The following COL11A1 variants were observed in gnomAD, a reference collection of about 807,000 sequenced individuals.
The protein encoded by COL11A1 is collagen alpha-1(XI) chain.
COL11A1 carries 74 observed loss-of-function variants against 265.2 expected under a neutral mutation model. The observed-to-expected ratio is 0.28, with a 90% CI of 0.23 to 0.34. The LOEUF (loss-of-function observed/expected upper bound fraction) is 0.34. Ranked by LOEUF, COL11A1 falls within the 10% of genes least tolerant of loss-of-function variation. COL11A1 has a pLI of 1.00. For synonymous variants in COL11A1, 816 were observed against 727.6 expected, an observed-to-expected ratio of 1.12 and a Z score of -1.96; for missense variants, 2,165 against 2,263.6, an observed-to-expected ratio of 0.96 and a Z score of 0.88.
chr1:102,909,355 A>C (rs1386918165), intron 54 of COL11A1, among the ~76,000 whole-genome samples: 1 of 152,138 alleles, frequency 6.6e-6, no homozygotes, highest in Admixed American at 6.6e-5. Flanking sequence ...TGTTGGCATC[A>C]TGCTTCCTGT....
intron 14 of COL11A1, among the ~76,000 whole-genome samples, chr1:103,011,701 A>C (rs938861130): frequency 2.0e-5 from 3 of 152,042 alleles, no homozygotes; most frequent in African/African-American, 7.2e-5. Context: ...AATAGCAGAA[A>C]AAATTTATAC....
chr1:103,015,188 T>C (rs1571040471), intron 12 of COL11A1, among the ~76,000 whole-genome samples: 1 of 152,146 alleles, frequency 6.6e-6, no homozygotes, highest in South Asian at 2.1e-4. Context: ...GTTCATTACA[T>C]TGAAATTGAT....
chr1:103,004,377 G>A (rs1571003853), intron 20 of COL11A1, 67 bp downstream of exon 20: 5 of 1,137,766 alleles, frequency 4.4e-6, no homozygotes, highest in Non-Finnish European at 6.6e-6. Context: ...GTTTTTATAT[G>A]TGTAACACCA....
chr1:102,911,837 A>G (rs2101014652), intron 54 of COL11A1, among the ~76,000 whole-genome samples: 2 of 152,254 alleles, frequency 1.3e-5, no homozygotes, highest in South Asian at 4.1e-4. Flanking sequence ...ATCCCCATGT[A>G]TTACAATAGG....
chr1:102,927,786 T>C (rs1401694220), intron 46 of COL11A1, among the ~76,000 whole-genome samples: 1 of 152,226 alleles, frequency 6.6e-6, no homozygotes, highest in Non-Finnish European at 1.5e-5. Flanking sequence ...ATATGTTTCA[T>C]AAAATTCAAA....
At chr1:102,974,046 G>C (rs1662226960) in intron 36 of COL11A1, among the ~76,000 whole-genome samples, 1 of 152,058 alleles carries the variant, frequency 6.6e-6, no homozygotes, top group Admixed American at 6.6e-5. Context: ...ATTGTGATTT[G>C]GTCAGTGGAA....
intron 32 of COL11A1, 75 bp downstream of exon 32, chr1:102,979,307 G>T: frequency 7.6e-7 from 1 of 1,316,560 alleles, no homozygotes; most frequent in Non-Finnish European, 1.1e-6. Context: ...AAATATCTGG[G>T]AATACAGGCA....
rs1457371081 is a variant in COL11A1 at position 102,946,971 on chromosome 1, A to G, written c.3169-15T>C. 7.5e-6 allele frequency: 12 copies of G among 1,598,164 alleles called. 1 individual carries two copies. In the African/African-American group the frequency reaches 1.2e-4, roughly 16 times the overall value. On this transcript the variant is annotated splice_polypyrimidine_tract_variant and intron_variant, in intron 41 of 66. Transcript: ENST00000370096. ...CCTGGTGAGCCCTAGTATACAGGAA[A>G]AGAAGTATTTTGTTATTAAAGAAAG...
intron 1 of COL11A1, chr1:103,100,693 G>A (rs1674193329): frequency 6.6e-6 from 1 of 151,928 alleles, no homozygotes; most frequent in Non-Finnish European, 1.5e-5. Context: ...AATAAGATAA[G>A]CCTAGGAGGC....
At position 103,031,119 on chromosome 1, in the gene COL11A1, A is replaced by G. The variant is rs1010215837; in HGVS notation, c.777T>C (p.Asp259=). Residue 259 remains aspartate, a synonymous_variant, in exon 5 of 67, where the codon GAT becomes GAC. Transcript: ENST00000370096. ...TCTCTGGTCTTGTGCTCCTCACCTCATCTATCTGAGGTTCCTGAGCTTGAG... is the reference window on the plus strand; with the variant it reads ...TCTCTGGTCTTGTGCTCCTCACCTCGTCTATCTGAGGTTCCTGAGCTTGAG... ...KAAQAQEPQI[D]EYAPEDIIEY... 2.4e-5 allele frequency: 39 copies of G among 1,613,262 alleles called. No homozygotes were observed. Among genetic ancestry groups the G allele is most frequent in the Non-Finnish European group, 3.2e-5 (38 of 1,179,578 alleles).
At chr1:102,997,418 AC>A (rs1332049599) in intron 25 of COL11A1, among the ~76,000 whole-genome samples, 9 of 151,924 alleles carry the variant, frequency 5.9e-5, no homozygotes, top group African/African-American at 9.7e-5. Context: ...TAACAATTCA[AC>A]CCCAGCCTCA....
At position 102,876,580 on chromosome 1, in the gene COL11A1, T is replaced by C. The variant is rs1162197038; in HGVS notation, c.*1439A>G. ...AAATTCTTTATGACAAATTTCACTT[T>C]TTAATTTCAATATTACAGGTATGTT... is the stretch of plus-strand genomic sequence containing the variant. On this transcript the variant is annotated 3_prime_UTR_variant, in exon 67 of 67. Coordinates refer to ENST00000370096, the MANE Select transcript of COL11A1 (RefSeq NM_001854.4). 1 of 152,542 alleles carries C rather than the reference T, an allele frequency of 6.6e-6. No homozygotes were observed. The highest frequency in any genetic ancestry group is 2.4e-5 in the African/African-American group (1 of 41,470). 9.4% of individuals were successfully genotyped at this position (152,542 alleles called of 1,614,324 possible). A position where few individuals can be genotyped will look rare whatever the true frequency, so the allele number is the denominator to read the frequency against.
intron 36 of COL11A1, among the ~76,000 whole-genome samples, chr1:102,972,439 TC>T (rs1252406381): frequency 6.6e-6 from 1 of 152,164 alleles, no homozygotes; most frequent in Non-Finnish European, 1.5e-5. Flanking sequence ...TTAATGGCTT[TC>T]CTAGATAGAC....
In COL11A1 at chr1:103,014,561, T is replaced by C. The variant is rs55851925; in HGVS notation, c.1522A>G (p.Thr508Ala). ...GCCTGAGCTTCCTGAGCAGAGATGG[T>C]TGGTCCTTTGGAACCATCACCACCA... ...RYGGDGSKGP[T>A]ISAQEAQAQA... is the part of the protein sequence containing the mutation. Residue 508 changes from threonine to alanine, a missense_variant, in exon 13 of 67, where the codon ACC becomes GCC. Coordinates refer to ENST00000370096, the MANE Select transcript of COL11A1 (RefSeq NM_001854.4). 203 of 1,613,642 alleles carry C rather than the reference T, an allele frequency of 1.3e-4. No individual in the cohort carries two copies. Among genetic ancestry groups the C allele is most frequent in the Admixed American group, 5.2e-4 (31 of 59,964 alleles).
chr1:102,881,563 G>T, intron 65 of COL11A1, 134 bp downstream of exon 65: 1 of 743,868 alleles, frequency 1.3e-6, no homozygotes, highest in South Asian at 1.5e-5. Context: ...ATATTAAGTG[G>T]AACAAACTAG....
intron 55 of COL11A1, 75 bp downstream of exon 55, chr1:102,898,866 C>T (rs919183247): frequency 2.3e-6 from 3 of 1,294,956 alleles, no homozygotes; most frequent in Admixed American, 2.0e-5. Flanking sequence ...TCAGTTTATG[C>T]ATGAAATTTT....
At chr1:102,945,362 G>C (rs1379862821) in intron 42 of COL11A1, among the ~76,000 whole-genome samples, 1 of 150,636 alleles carries the variant, frequency 6.6e-6, no homozygotes, top group African/African-American at 2.4e-5. Context: ...CACTATCTTG[G>C]ACTTTCCATC....
intron 41 of COL11A1, among the ~76,000 whole-genome samples, chr1:102,952,498 G>A (rs1659987480): frequency 6.6e-6 from 1 of 152,164 alleles, no homozygotes; most frequent in South Asian, 2.1e-4. Context: ...GCTTGTGGAA[G>A]CTGCATTAAA....
intron 47 of COL11A1, among the ~76,000 whole-genome samples, chr1:102,922,598 A>C (rs550525784): frequency 6.6e-6 from 1 of 152,148 alleles, no homozygotes; most frequent in Admixed American, 6.5e-5. Context: ...ACGGGGTTTC[A>C]CCGTGTTAGC....
Sources: allele counts gnomAD v4.1 joint callset (sites outside exome capture counted in the v4.1 genomes callset), GRCh38; gene constraint gnomAD v4.1.1; transcripts MANE v1.5; gene names NCBI Gene and HGNC (gene_info 2026-07-23, HGNC 2026-07-21).